ALK: variants seen among roughly 807,000 people sequenced by gnomAD.
The protein encoded by ALK is ALK tyrosine kinase receptor.
ALK carries 74 observed loss-of-function variants against 163.1 expected under a neutral mutation model. The observed-to-expected ratio is 0.45, with a 90% CI of 0.38 to 0.55. ALK has a LOEUF of 0.55. Ranked by LOEUF, ALK falls within the 20% of genes least tolerant of loss-of-function variation. The pLI, the probability that ALK is intolerant of heterozygous loss-of-function variation, is 0.00. For missense variants in ALK, 2,063 were observed against 2,105.3 expected (o/e 0.98, Z 0.39); for synonymous variants, 960 against 843.2 (o/e 1.14, Z -2.40).
chr2:29,610,468 C>T lies in ALK; in HGVS notation c.953-78352G>A, dbSNP rs148188381. On this transcript the variant is annotated intron_variant, in intron 3 of 28. Transcript: ENST00000389048. The stretch of plus-strand genomic sequence containing the variant: ...CGTCTTAAATGAGTTCTACTTTCTG[C>T]TTTCCTTTCATTCGAATCCCATGTT... 3.2e-4 allele frequency among the ~76,000 whole-genome samples: 48 copies of T among 152,220 alleles called. 2 individuals are homozygous for T. In the East Asian group the frequency reaches 7.9e-3, roughly 25 times the overall value.
intron 2 of ALK, among the ~76,000 whole-genome samples, chr2:29,710,492 C>CTGTGTGTG (rs1197448193): frequency 2.3e-4 from 23 of 102,126 alleles, no homozygotes; most frequent in Admixed American, 2.1e-3. Flanking sequence ...CAACCTCAGT[C>CTGTGTGTG]TGTGTGCGTG....
Position 29,582,507 on chromosome 2 carries a change from G to A in ALK, c.953-50391C>T, listed in dbSNP as rs150796533. ...ACAGATTGTTCAGATACCATGTCCT[G>A]GACATTCTTACTTGTCTTACGCCTG... On this transcript the variant is annotated intron_variant, in intron 3 of 28. Coordinates refer to ENST00000389048, the MANE Select transcript of ALK (RefSeq NM_004304.5). 7.2e-5 allele frequency among the ~76,000 whole-genome samples: 11 copies of A among 152,298 alleles called. No homozygotes were observed. The East Asian group carries it at 1.4e-3, about 19-fold the overall frequency.
chr2:29,620,724 C>T (rs1676010749), intron 3 of ALK, among the ~76,000 whole-genome samples: 1 of 152,126 alleles, frequency 6.6e-6, no homozygotes, highest in Non-Finnish European at 1.5e-5. Context: ...TAACTTAAAC[C>T]GTTCTAAATG....
intron 3 of ALK, among the ~76,000 whole-genome samples, chr2:29,602,350 C>G (rs1294957537): frequency 6.6e-6 from 1 of 152,062 alleles, no homozygotes; most frequent in Non-Finnish European, 1.5e-5. Flanking sequence ...GGGGAGGACC[C>G]AAAAACCATC....
At chr2:29,809,384 A>G (rs1284157174) in intron 1 of ALK, among the ~76,000 whole-genome samples, 1 of 152,212 alleles carries the variant, frequency 6.6e-6, no homozygotes, top group East Asian at 1.9e-4. Flanking sequence ...ATGTCATCCT[A>G]ATAGCAAGTA....
chr2:29,427,423 A>G (rs561246081), intron 4 of ALK, among the ~76,000 whole-genome samples: 1 of 152,142 alleles, frequency 6.6e-6, no homozygotes, highest in East Asian at 1.9e-4. Context: ...GGAGGGGAAT[A>G]GAGCTATATG....
chr2:29,352,625 C>T (rs6756665), intron 5 of ALK, among the ~76,000 whole-genome samples: 150,875 of 152,354 alleles, frequency 0.99, 74,721 homozygotes, highest in East Asian at 1. Context: ...TGACGTTGAC[C>T]GATCAATCAG....
rs796758638 is a variant in ALK, at chr2:29,649,408, A to G, written c.952+45442T>C. ...TCTGTTAGAACTGCTATCATCAAAT[A>G]TCTGTTGATCCTTGGTTGTTCTTTA... On this transcript the variant is annotated intron_variant, in intron 3 of 28. Transcript: ENST00000389048. Among the ~76,000 whole-genome samples the G allele has an allele frequency of 3.3e-5, 5 of 152,246 alleles. No individual in the cohort carries two copies. The East Asian group carries it at 9.7e-4, about 29-fold the overall frequency.
At chr2:29,831,259 G>GGAAGAAGAAGAAGAAGAAGAATAAGAA (rs1665406202) in intron 1 of ALK, among the ~76,000 whole-genome samples, 1 of 28,132 alleles carries the variant, frequency 3.6e-5, no homozygotes, top group Non-Finnish European at 7.0e-5. Context: ...AAGAGGAAGA[G>GGAAGAAGAAGAAGAAGAAGAATAAGAA]GAAGAAGAAG....
chr2:29,421,796 C>T (rs1670021629), intron 4 of ALK, among the ~76,000 whole-genome samples: 1 of 151,610 alleles, frequency 6.6e-6, no homozygotes, highest in African/African-American at 2.4e-5. Context: ...GCCCAGATCG[C>T]AGCCGCAGTG....
intron 4 of ALK, among the ~76,000 whole-genome samples, chr2:29,520,578 C>T (rs1672783916): frequency 6.6e-6 from 1 of 152,064 alleles, no homozygotes; most frequent in Non-Finnish European, 1.5e-5. Context: ...CAGCTCTGCT[C>T]ACAGAAGGTC....
intron 12 of ALK, among the ~76,000 whole-genome samples, chr2:29,245,239 C>G (rs1211484994): frequency 6.7e-6 from 1 of 149,010 alleles, no homozygotes; most frequent in Non-Finnish European, 1.5e-5. Flanking sequence ...CTCCATGGCT[C>G]AGTGCCCTGC....
At chr2:29,712,851 AGATGTTGG>A (rs1223904184) in intron 2 of ALK, among the ~76,000 whole-genome samples, 2 of 152,212 alleles carry the variant, frequency 1.3e-5, no homozygotes, top group Non-Finnish European at 2.9e-5. Context: ...TGTTGTGCTT[AGATGTTGG>A]GATGTTGGGA....
chr2:29,467,818 T>C (rs1183289438), intron 4 of ALK, among the ~76,000 whole-genome samples: 3 of 152,258 alleles, frequency 2.0e-5, no homozygotes, highest in East Asian at 3.8e-4. Flanking sequence ...TGCAAAAATG[T>C]ACAACAACTC....
At chr2:29,537,952 C>T (rs1014925942) in intron 3 of ALK, among the ~76,000 whole-genome samples, 1 of 152,164 alleles carries the variant, frequency 6.6e-6, no homozygotes, top group African/African-American at 2.4e-5. Context: ...TGCCTATTAC[C>T]CCTTTGTTTT....
intron 5 of ALK, among the ~76,000 whole-genome samples, chr2:29,379,255 A>C (rs893430051): frequency 1.1e-4 from 16 of 152,154 alleles, no homozygotes; most frequent in African/African-American, 3.9e-4. Flanking sequence ...CTGCTCTTTC[A>C]CTGGCCTTTC....
At chr2:29,468,853 C>CAAAAAA (rs70958265) in intron 4 of ALK, among the ~76,000 whole-genome samples, 3 of 30,918 alleles carry the variant, frequency 9.7e-5, no homozygotes, top group East Asian at 1.3e-3. Flanking sequence ...GACCCTGCCT[C>CAAAAAA]AAAAAAAAAA....
chr2:29,866,107 G>A (rs575443672), intron 1 of ALK, among the ~76,000 whole-genome samples: 1 of 152,232 alleles, frequency 6.6e-6, no homozygotes, highest in East Asian at 1.9e-4. Context: ...TCTCTACAGG[G>A]GAGAGAAAGA....
chr2:29,894,875 C>A (rs1667230409), intron 1 of ALK, among the ~76,000 whole-genome samples: 1 of 151,622 alleles, frequency 6.6e-6, no homozygotes, highest in Admixed American at 6.6e-5. Flanking sequence ...CACACACACA[C>A]ACCCCGACAT....
Sources: allele counts gnomAD v4.1 joint callset (sites outside exome capture counted in the v4.1 genomes callset), GRCh38; gene constraint gnomAD v4.1.1; transcripts MANE v1.5; gene names NCBI Gene and HGNC (gene_info 2026-07-23, HGNC 2026-07-21).